MACF1: variants seen among roughly 807,000 people sequenced by gnomAD.
MACF1 encodes the protein microtubule actin crosslinking factor 1.
Under a neutral mutation model 854.8 loss-of-function variants are expected in MACF1, and 193 were observed. That is an observed-to-expected ratio of 0.23 (90% CI 0.20 to 0.25). The LOEUF (loss-of-function observed/expected upper bound fraction) is 0.25, where lower values mean the gene tolerates loss of function less well. Among genes scored for constraint, MACF1 ranks in the 10% least tolerant of loss-of-function variants. MACF1 has a pLI of 1.00. For synonymous variants in MACF1, 3,185 were observed against 3,226.7 expected, an observed-to-expected ratio of 0.99 and a Z score of 0.44; for missense variants, 7,722 against 8,929.1, an observed-to-expected ratio of 0.86 and a Z score of 5.45.
chr1:39,128,434 G>GGC (rs1319698396), intron 2 of MACF1, among the ~76,000 whole-genome samples: 2 of 152,114 alleles, frequency 1.3e-5, no homozygotes, highest in African/African-American at 2.4e-5. Context: ...CAGGCACGGT[G>GGC]GCTCACGCCT....
intron 20 of MACF1, among the ~76,000 whole-genome samples, chr1:39,296,811 A>G (rs868459515): frequency 1.0e-4 from 11 of 106,388 alleles, no homozygotes; most frequent in African/African-American, 3.9e-4. Context: ...GAAAAGAAAG[A>G]AAGGAAGGAA....
chr1:39,392,747 T>C (rs748164455), intron 58 of MACF1, among the ~76,000 whole-genome samples: 42 of 152,196 alleles, frequency 2.8e-4, no homozygotes, highest in Non-Finnish European at 5.9e-4. Flanking sequence ...CTTAAATGAA[T>C]GTGGAATACT....
At chr1:39,145,028 C>G (rs927045263) in intron 2 of MACF1, among the ~76,000 whole-genome samples, 1 of 152,166 alleles carries the variant, frequency 6.6e-6, no homozygotes, top group African/African-American at 2.4e-5. Context: ...ATTCTCAGAT[C>G]TCTTTTTTTT....
At chr1:39,104,143 C>T (rs540566106) in intron 2 of MACF1, among the ~76,000 whole-genome samples, 1 of 152,260 alleles carries the variant, frequency 6.6e-6, no homozygotes, top group South Asian at 2.1e-4. Context: ...TAACTTCTTA[C>T]CCACAACCAC....
chr1:39,259,035 C>T (rs1283707705), intron 6 of MACF1, among the ~76,000 whole-genome samples: 1 of 152,110 alleles, frequency 6.6e-6, no homozygotes, highest in African/African-American at 2.4e-5. Context: ...ATAGGGATAA[C>T]CAGGAACATG....
At chr1:39,319,915 G>T (rs1646481042) in intron 31 of MACF1, among the ~76,000 whole-genome samples, 168 bp downstream of exon 31, 1 of 152,098 alleles carries the variant, frequency 6.6e-6, no homozygotes, top group Admixed American at 6.6e-5. Context: ...CCATGTTTGG[G>T]GTTGCTTGGA....
chr1:39,187,847 T>G (rs1002621013), intron 2 of MACF1, among the ~76,000 whole-genome samples: 3 of 150,398 alleles, frequency 2.0e-5, no homozygotes, highest in Admixed American at 2.0e-4. Flanking sequence ...AGAGGCTGTC[T>G]TTCTCTCTCT....
At chr1:39,355,253 C>T (rs1177508727) in intron 44 of MACF1, among the ~76,000 whole-genome samples, 1 of 152,102 alleles carries the variant, frequency 6.6e-6, no homozygotes, top group Non-Finnish European at 1.5e-5. Context: ...TGTCATAGGG[C>T]TCCTCTGACA....
At chr1:39,194,116 C>T (rs1468018771) in intron 2 of MACF1, among the ~76,000 whole-genome samples, 1 of 151,844 alleles carries the variant, frequency 6.6e-6, no homozygotes, top group Non-Finnish European at 1.5e-5. Context: ...TACAGGCATG[C>T]GCCACCACAC....
At chr1:39,193,752 G>A (rs1299906947) in intron 2 of MACF1, among the ~76,000 whole-genome samples, 4 of 152,082 alleles carry the variant, frequency 2.6e-5, no homozygotes, top group African/African-American at 9.7e-5. Context: ...TATAGGTTTG[G>A]CTCACAAATT....
Position 39,278,260 on chromosome 1 carries a change from T to G in MACF1, c.529-3948T>G, listed in dbSNP as rs1645475601. 2.0e-5 allele frequency among the ~76,000 whole-genome samples: 3 copies of G among 152,178 alleles called. No homozygotes were observed. The South Asian group carries it at 6.2e-4, about 31-fold the overall frequency. ...CATGTGTGAGTATACAGAAAGAGAT[T>G]GATGAAAGCCAAATTTAATTACTGA... On this transcript the variant is annotated intron_variant, in intron 6 of 100. Coordinates refer to ENST00000564288, the MANE Select transcript of MACF1 (RefSeq NM_001394062.1).
rs550791353 is a variant in MACF1 at position 39,356,703 on chromosome 1, A to T, written c.11425-672A>T. On this transcript the variant is annotated intron_variant, in intron 44 of 100. Transcript: ENST00000564288. ...CAATTTTTATATTGTCACATGTATG[A>T]TTTATTCAGCTACCCTTCCACTAAT... 2.0e-4 allele frequency among the ~76,000 whole-genome samples: 30 copies of T among 152,262 alleles called. 1 individual carries two copies. In the South Asian group the frequency reaches 6.0e-3, roughly 30 times the overall value.
chr1:39,431,458 C>CA (rs1182795679), intron 66 of MACF1, among the ~76,000 whole-genome samples: 2 of 152,044 alleles, frequency 1.3e-5, no homozygotes, highest in Admixed American at 6.6e-5. Flanking sequence ...TGCCGTAGTA[C>CA]AAAAAATAAG....
At chr1:39,384,717 G>A (rs1222096576) in intron 56 of MACF1, among the ~76,000 whole-genome samples, 1 of 152,224 alleles carries the variant, frequency 6.6e-6, no homozygotes, top group Non-Finnish European at 1.5e-5. Context: ...AAGAAAAACA[G>A]ACACTGAGAG....
intron 34 of MACF1, 138 bp downstream of exon 34, chr1:39,324,483 A>G (rs1646572699): frequency 8.3e-7 from 1 of 1,208,680 alleles, no homozygotes; most frequent in Middle Eastern, 2.1e-4. Context: ...TTAAGAAGCC[A>G]TCTTGTTTGT....
intron 93 of MACF1, among the ~76,000 whole-genome samples, chr1:39,462,950 C>T (rs781294166): frequency 2.0e-5 from 3 of 151,938 alleles, no homozygotes; most frequent in African/African-American, 7.3e-5. Context: ...ATCTTGGGCT[C>T]CTAGGGTGAA....
chr1:39,311,927 C>T (rs1301771884), intron 26 of MACF1, among the ~76,000 whole-genome samples: 5 of 152,036 alleles, frequency 3.3e-5, no homozygotes, highest in African/African-American at 1.2e-4. Flanking sequence ...ATTTTTTCCC[C>T]CCAAACCTGA....
At chr1:39,400,859 T>C (rs1303576280) in intron 58 of MACF1, among the ~76,000 whole-genome samples, 1 of 152,164 alleles carries the variant, frequency 6.6e-6, no homozygotes, top group Non-Finnish European at 1.5e-5. Context: ...CTAGGGATCA[T>C]CATTCTCCAG....
At position 39,287,364 on chromosome 1, in the gene MACF1, A is replaced by G. The variant is rs1308356330; in HGVS notation, c.1587A>G (p.Ser529=). 6.2e-7 allele frequency: 1 copy of G among 1,614,064 alleles called. No homozygotes were observed. Among genetic ancestry groups the G allele is most frequent in the Admixed American group, 1.7e-5 (1 of 60,016 alleles). The change falls in exon 15 of 101, where the codon TCA becomes TCG. Residue 529 remains serine, a synonymous_variant. Transcript: ENST00000564288. Reference sequence around the variant, plus strand: ...TGTACCGGAAGGGTCATTTCACTTCACTTGAATTGGTTCCACCCTCTACTT... The same window carrying G: ...TGTACCGGAAGGGTCATTTCACTTCGCTTGAATTGGTTCCACCCTCTACTT... ...TNLYRKGHFT[S]LELVPPSTLT...
Sources: allele counts gnomAD v4.1 joint callset (sites outside exome capture counted in the v4.1 genomes callset), GRCh38; gene constraint gnomAD v4.1.1; transcripts MANE v1.5; gene names NCBI Gene and HGNC (gene_info 2026-07-23, HGNC 2026-07-21).